The following DPP6 variants were observed in gnomAD, a reference collection of about 807,000 sequenced individuals.
The protein encoded by DPP6 is A-type potassium channel modulatory protein DPP6.
A neutral mutation model predicts 122.6 loss-of-function variants in DPP6; 69 were observed. The ratio of observed to expected loss-of-function variants is 0.56; its 90% CI spans 0.46 to 0.69. The LOEUF (loss-of-function observed/expected upper bound fraction) is 0.69, where lower values mean the gene tolerates loss of function less well. DPP6 is among the 30% of genes least tolerant of loss of function. The pLI is 0.00. For synonymous variants in DPP6, 418 were observed against 433.1 expected, an observed-to-expected ratio of 0.97 and a Z score of 0.43; for missense variants, 928 against 1,116.9, an observed-to-expected ratio of 0.83 and a Z score of 2.41.
intron 5 of DPP6, among the ~76,000 whole-genome samples, chr7:154,630,901 T>C (rs1261802192): frequency 6.6e-6 from 1 of 152,098 alleles, no homozygotes; most frequent in East Asian, 1.9e-4. Flanking sequence ...TGTATACCTA[T>C]GTAACAAACC....
At chr7:154,704,865 T>G (rs926447016) in intron 7 of DPP6, among the ~76,000 whole-genome samples, 1 of 152,234 alleles carries the variant, frequency 6.6e-6, no homozygotes, top group African/African-American at 2.4e-5. Context: ...GGTCTGGGAC[T>G]GAACCTGCCA....
chr7:154,107,906 G>A (rs1490146778), intron 1 of DPP6, among the ~76,000 whole-genome samples: 1 of 152,132 alleles, frequency 6.6e-6, no homozygotes, highest in Non-Finnish European at 1.5e-5. Flanking sequence ...CACAAAACTG[G>A]GCTGTCAGGG....
chr7:154,306,733 G>C (rs1033040824), intron 1 of DPP6, among the ~76,000 whole-genome samples: 8 of 152,156 alleles, frequency 5.3e-5, no homozygotes, highest in Admixed American at 5.2e-4. Flanking sequence ...GAACTTAAAT[G>C]AAGTTTTATG....
chr7:154,423,861 A>G (rs1402601844), intron 1 of DPP6, among the ~76,000 whole-genome samples: 1 of 152,224 alleles, frequency 6.6e-6, no homozygotes, highest in Non-Finnish European at 1.5e-5. Context: ...GGAAAGAACT[A>G]TTGAGTGCAA....
At chr7:154,815,364 C>T (rs1299997228) in intron 16 of DPP6, among the ~76,000 whole-genome samples, 1 of 152,232 alleles carries the variant, frequency 6.6e-6, no homozygotes, top group Non-Finnish European at 1.5e-5. Context: ...ATAACAAGTT[C>T]TGTAGGGTTT....
intron 23 of DPP6, 94 bp downstream of exon 23, chr7:154,887,828 C>T: frequency 7.1e-7 from 1 of 1,399,952 alleles, no homozygotes; most frequent in Non-Finnish European, 1.0e-6. Context: ...ACTCTGCCTT[C>T]CCCAGCCCCA....
At chr7:154,739,310 C>T (rs191463524) in intron 8 of DPP6, among the ~76,000 whole-genome samples, 147 of 152,210 alleles carry the variant, frequency 9.7e-4, no homozygotes, top group African/African-American at 3.4e-3. Context: ...GTTTGGTGCC[C>T]AAAGCAGAAG....
chr7:154,247,430 T>C (rs1246019993), intron 1 of DPP6, among the ~76,000 whole-genome samples: 2 of 152,218 alleles, frequency 1.3e-5, no homozygotes, highest in South Asian at 2.1e-4. Context: ...TAATTTATAA[T>C]GGACAAAAGA....
intron 1 of DPP6, among the ~76,000 whole-genome samples, chr7:153,971,930 T>C (rs1465559061): frequency 2.0e-5 from 3 of 147,784 alleles, no homozygotes; most frequent in African/African-American, 5.0e-5. Context: ...GGAAGCTTTC[T>C]CTAGGCAGTG....
At chr7:154,516,224 A>G (rs1429758615) in intron 3 of DPP6, among the ~76,000 whole-genome samples, 3 of 151,060 alleles carry the variant, frequency 2.0e-5, no homozygotes, top group African/African-American at 7.3e-5. Flanking sequence ...GCTTTCCCAG[A>G]TGACCAGAAG....
intron 1 of DPP6, among the ~76,000 whole-genome samples, chr7:154,352,055 C>T (rs111567475): frequency 0.062 from 9,456 of 152,108 alleles, 728 homozygotes; most frequent in African/African-American, 0.18. Context: ...CCAGCACTGG[C>T]GGCCAGTGCT....
chr7:154,234,162 G>A (rs1296096016), intron 1 of DPP6, among the ~76,000 whole-genome samples: 1 of 152,190 alleles, frequency 6.6e-6, no homozygotes, highest in Non-Finnish European at 1.5e-5. Context: ...CAACAGGAAG[G>A]CAGGTTCAGA....
intron 1 of DPP6, among the ~76,000 whole-genome samples, chr7:154,388,436 A>C (rs1814313220): frequency 6.6e-6 from 1 of 152,210 alleles, no homozygotes; most frequent in African/African-American, 2.4e-5. Flanking sequence ...TACTTGGAGC[A>C]CTTTTTAAAA....
intron 4 of DPP6, among the ~76,000 whole-genome samples, chr7:154,563,572 T>C (rs1281136349): frequency 1.3e-5 from 2 of 152,196 alleles, no homozygotes; most frequent in Admixed American, 6.5e-5. Context: ...CAAACCTATT[T>C]TGAAGGTAAA....
At chr7:154,653,385 A>C (rs889316867) in intron 6 of DPP6, among the ~76,000 whole-genome samples, 1 of 152,206 alleles carries the variant, frequency 6.6e-6, no homozygotes, top group Admixed American at 6.5e-5. Context: ...TGATTGATAA[A>C]TGATAGATAG....
At chr7:154,607,707 A>T (rs541951940) in intron 5 of DPP6, among the ~76,000 whole-genome samples, 1 of 116,298 alleles carries the variant, frequency 8.6e-6, no homozygotes, top group African/African-American at 2.7e-5. Context: ...CTGTAAATGT[A>T]TTTTCTTTTC....
intron 1 of DPP6, among the ~76,000 whole-genome samples, chr7:154,131,012 A>G (rs935754096): frequency 2.0e-5 from 3 of 152,140 alleles, no homozygotes; most frequent in African/African-American, 7.2e-5. Context: ...TGGCCGATTC[A>G]GAAGCCGGAG....
chr7:154,527,637 C>G (rs1443660650), intron 3 of DPP6, among the ~76,000 whole-genome samples: 1 of 152,082 alleles, frequency 6.6e-6, no homozygotes, highest in African/African-American at 2.4e-5. Context: ...ATTGTGTATA[C>G]TCTTTGTTTC....
chr7:154,322,576 C>T (rs1808069285), intron 1 of DPP6, among the ~76,000 whole-genome samples: 2 of 152,220 alleles, frequency 1.3e-5, no homozygotes, highest in Non-Finnish European at 2.9e-5. Context: ...ACCTGAACTC[C>T]TCCTTCAGGG....
Sources: allele counts gnomAD v4.1 joint callset (sites outside exome capture counted in the v4.1 genomes callset), GRCh38; gene constraint gnomAD v4.1.1; transcripts MANE v1.5; gene names NCBI Gene and HGNC (gene_info 2026-07-23, HGNC 2026-07-21).